Variants in GUF1 observed in about 807,000 individuals in gnomAD.
The protein encoded by GUF1 is translation factor GUF1, mitochondrial.
Under a neutral mutation model 82.4 loss-of-function variants are expected in GUF1, and 78 were observed. That is an observed-to-expected ratio of 0.95 (90% CI 0.79 to 1.14). The LOEUF (loss-of-function observed/expected upper bound fraction) is 1.14, where lower values mean the gene tolerates loss of function less well. Among genes scored for constraint, GUF1 ranks in the 50% most tolerant of loss-of-function variants. The pLI is 0.00. For missense variants in GUF1, 814 were observed against 798.2 expected (o/e 1.02, Z -0.24); for synonymous variants, 279 against 282.3 (o/e 0.99, Z 0.12).
At position 44,695,697 on chromosome 4, in the gene GUF1, C is replaced by T. The variant is rs2109667668; in HGVS notation, c.1798C>T (p.Gln600Ter). Residue 600 changes from glutamine (Q) to a stop codon, truncating the protein, a stop_gained, in exon 15 of 17, where the codon CAA becomes TAA. Transcript: ENST00000281543. LOFTEE classifies it high-confidence loss of function. ...TAGGCAACTGTTTGAGATAGCAATT[C>T]AAGCTGCTATTGGAAGTAAAATCAT... ...LPRQLFEIAI[Q>*]AAIGSKIIAR... 4 of 1,612,916 alleles carry T rather than the reference C, an allele frequency of 2.5e-6. No homozygotes were observed. The East Asian group carries it at 8.9e-5, about 36-fold the overall frequency.
At position 44,699,139 on chromosome 4, in the gene GUF1, T is replaced by G. The variant is rs1716051043; in HGVS notation, c.*458T>G. 1 of 152,548 alleles carries G rather than the reference T, an allele frequency of 6.6e-6. No individual in the cohort carries two copies. The highest frequency in any genetic ancestry group is 6.5e-5 in the Admixed American group (1 of 15,286). 9.4% of individuals were successfully genotyped at this position (152,548 alleles called of 1,614,324 possible). A position where few individuals can be genotyped will look rare whatever the true frequency, so the allele number is the denominator to read the frequency against. On this transcript the variant is annotated 3_prime_UTR_variant, in exon 17 of 17. Coordinates refer to ENST00000281543, the MANE Select transcript of GUF1 (RefSeq NM_021927.3). ...ATGTTCTTGAATGATGTCATTTCCT[T>G]AAGTGGTTTGTAACATCGATGAGGA...
rs1435627856 is a variant in GUF1 at position 44,680,466 on chromosome 4, C to T, written c.191C>T (p.Pro64Leu). Residue 64 changes from proline to leucine, a missense_variant, in exon 2 of 17, where the codon CCT becomes CTT. Pro to Leu is a moderately conservative substitution (Grantham distance 98). Transcript: ENST00000281543. ...GAAAAACTTGACATGTCTAGGTTTC[C>T]TGTTGAAAATATTAGAAATTTCAGT... ...FKEKLDMSRF[P>L]VENIRNFSIV... 4 of 1,601,904 alleles carry T rather than the reference C, an allele frequency of 2.5e-6. No individual in the cohort carries two copies. The highest frequency in any genetic ancestry group is 3.4e-6 in the Non-Finnish European group (4 of 1,172,512).
rs1715383938 is a variant in GUF1, at chr4:44,690,737, T to C, written c.1356T>C (p.Ile452=). The part of the protein sequence containing the change: ...KLIKEHREKE[I]TIINPAQFPD... ...TTTAGGAACATAGAGAAAAAGAAAT[T>C]ACAATTATCAATCCTGCACAATTCC... The change falls in exon 12 of 17, where the codon ATT becomes ATC. Residue 452 remains isoleucine, a synonymous_variant. Transcript: ENST00000281543. 1.3e-6 allele frequency: 2 copies of C among 1,568,274 alleles called. No individual in the cohort carries two copies. Among genetic ancestry groups the C allele is most frequent in the Admixed American group, 1.7e-5 (1 of 57,226 alleles).
At chr4:44,694,616 TAA>T in intron 14 of GUF1, 103 bp downstream of exon 14, 1 of 686,034 alleles carries the variant, frequency 1.5e-6, no homozygotes, top group Non-Finnish European at 2.5e-6. Context: ...CTAAGGTAAT[TAA>T]AATAGAGTTC....
intron 6 of GUF1, among the ~76,000 whole-genome samples, chr4:44,684,590 A>G (rs1714946134): frequency 6.6e-6 from 1 of 152,106 alleles, no homozygotes; most frequent in Non-Finnish European, 1.5e-5. Context: ...GAAGAGATAC[A>G]GGGAATCCAG....
At chr4:44,689,713 A>T in intron 10 of GUF1, 130 bp from the exon 11 acceptor site, 1 of 736,690 alleles carries the variant, frequency 1.4e-6, no homozygotes, top group Non-Finnish European at 2.1e-6. Context: ...GCTAGCATTT[A>T]ATTATATTGT....
At chr4:44,684,339 A>C (rs1714933098) in intron 6 of GUF1, among the ~76,000 whole-genome samples, 1 of 152,132 alleles carries the variant, frequency 6.6e-6, no homozygotes, top group Non-Finnish European at 1.5e-5. Context: ...CATTCCAGGA[A>C]GAGAAAAGAG....
At chr4:44,682,908 T>C (rs1001079914) in intron 5 of GUF1, among the ~76,000 whole-genome samples, 1 of 152,104 alleles carries the variant, frequency 6.6e-6, no homozygotes, top group African/African-American at 2.4e-5. Context: ...GACAGCTTGT[T>C]GTCAGACTTA....
chr4:44,691,268 C>T (rs553684904), intron 12 of GUF1, among the ~76,000 whole-genome samples: 2 of 151,576 alleles, frequency 1.3e-5, no homozygotes, highest in African/African-American at 2.4e-5. Context: ...AATTATATTC[C>T]TTAAAAATAC....
At chr4:44,684,652 C>T (rs990951548) in intron 6 of GUF1, among the ~76,000 whole-genome samples, 4 of 152,058 alleles carry the variant, frequency 2.6e-5, no homozygotes, top group African/African-American at 9.7e-5. Flanking sequence ...ATTAACTATC[C>T]ATATGAAAAG....
chr4:44,682,859 T>G (rs1011955345), intron 5 of GUF1, among the ~76,000 whole-genome samples: 1 of 152,092 alleles, frequency 6.6e-6, no homozygotes, highest in African/African-American at 2.4e-5. Context: ...ATTATATTTC[T>G]TGATAATGGA....
At position 44,682,398 on chromosome 4, in the gene GUF1, C is replaced by A; in HGVS notation, c.572C>A (p.Pro191Gln). Residue 191 changes from proline to glutamine, a missense_variant, in exon 5 of 17, where the codon CCA (proline) becomes CAA (glutamine). Pro to Gln is a moderately conservative substitution (Grantham distance 76, BLOSUM62 -1). Transcript: ENST00000281543. The stretch of plus-strand genomic sequence containing the variant: ...TTCGAAGCACAGCTATCGGTAATTC[C>A]AGTTATAAATAAGGTAATTACAATG... Reference protein sequence around the residue: ...LAFEAQLSVIPVINKIDLKNA... With the variant: ...LAFEAQLSVIQVINKIDLKNA... 6.6e-7 allele frequency: 1 copy of A among 1,516,712 alleles called. No homozygotes were observed. The highest frequency in any genetic ancestry group is 8.8e-7 in the Non-Finnish European group (1 of 1,132,816). 94.0% of individuals were successfully genotyped at this position (1,516,712 alleles called of 1,614,324 possible). A position where few individuals can be genotyped will look rare whatever the true frequency, so the allele number is the denominator to read the frequency against.
In GUF1 at chr4:44,690,767, TAAATC is replaced by T. The variant is rs770488789; in HGVS notation, c.1390_1394del (p.Lys465AsnfsTer17). The stretch of plus-strand genomic sequence containing the variant: ...TTATCAATCCTGCACAATTCCCCGA[TAAATC>T]AAAAGTAACAGAATATTTGGAGCCA... On this transcript the variant is annotated frameshift_variant, in exon 12 of 17. Coordinates refer to ENST00000281543, the MANE Select transcript of GUF1 (RefSeq NM_021927.3). LOFTEE classifies it high-confidence loss of function. 9.2e-5 allele frequency: 147 copies of T among 1,597,800 alleles called. 1 individual carries two copies. The East Asian group carries it at 1.3e-3, about 14-fold the overall frequency.
At chr4:44,683,189 A>T in intron 5 of GUF1, 46 bp from the exon 6 acceptor site, 1 of 1,184,700 alleles carries the variant, frequency 8.4e-7, no homozygotes, top group South Asian at 1.4e-5. Flanking sequence ...TACATAATAC[A>T]TCTTATCTTT....
At chr4:44,692,450 C>G (rs1383103005) in intron 13 of GUF1, among the ~76,000 whole-genome samples, 1 of 151,748 alleles carries the variant, frequency 6.6e-6, no homozygotes, top group Non-Finnish European at 1.5e-5. Flanking sequence ...TCTAGATACC[C>G]TCACTATGCC....
intron 2 of GUF1, 36 bp downstream of exon 2, chr4:44,680,588 G>C: frequency 4.1e-6 from 6 of 1,473,692 alleles, no homozygotes; most frequent in Non-Finnish European, 5.6e-6. Context: ...ACTGATGGCT[G>C]CGAGTTATTG....
Position 44,698,594 on chromosome 4 carries a change from A to AG in GUF1, c.1926dup (p.Lys643GlufsTer11). 1 of 1,610,040 alleles carries AG rather than the reference A, an allele frequency of 6.2e-7. No homozygotes were observed. The highest frequency in any genetic ancestry group is 8.5e-7 in the Non-Finnish European group (1 of 1,178,640). On this transcript the variant is annotated frameshift_variant, in exon 17 of 17. Coordinates refer to ENST00000281543, the MANE Select transcript of GUF1 (RefSeq NM_021927.3). LOFTEE classifies it high-confidence loss of function. The stretch of plus-strand genomic sequence containing the variant: ...TGAAGCTTTTGAAGAGACAAGCAGA[A>AG]GGGAAAAAAAAGCTGAGGAAAATTG...
intron 15 of GUF1, 64 bp downstream of exon 15, chr4:44,695,798 G>A (rs1715773501): frequency 6.7e-7 from 1 of 1,491,200 alleles, no homozygotes. Flanking sequence ...AAAAGTGAAA[G>A]AATATTGAAC....
chr4:44,698,662 A>G lies in GUF1; in HGVS notation c.1991A>G (p.Lys664Arg). Residue 664 changes from lysine (K) to arginine (R), a missense_variant, in exon 17 of 17, where the codon AAA (lysine) becomes AGA (arginine). Coordinates refer to ENST00000281543, the MANE Select transcript of GUF1 (RefSeq NM_021927.3). ...VPKDAFIKVL[K>R]TQSSK The stretch of plus-strand genomic sequence containing the variant: ...AAAGATGCTTTTATAAAAGTTCTGA[A>G]AACACAATCTTCTAAATAATTGGTG... 6.2e-7 allele frequency: 1 copy of G among 1,602,166 alleles called. No individual in the cohort carries two copies. Among genetic ancestry groups the G allele is most frequent in the Non-Finnish European group, 8.5e-7 (1 of 1,176,770 alleles).
Sources: allele counts gnomAD v4.1 joint callset (sites outside exome capture counted in the v4.1 genomes callset), GRCh38; gene constraint gnomAD v4.1.1; transcripts MANE v1.5; gene names NCBI Gene and HGNC (gene_info 2026-07-23, HGNC 2026-07-21).